CCDC66: variants seen among roughly 807,000 people sequenced by gnomAD.
CCDC66 encodes coiled-coil domain-containing protein 66.
CCDC66 carries 133 observed loss-of-function variants against 128.3 expected under a neutral mutation model. That is an observed-to-expected ratio of 1.04 (90% CI 0.90 to 1.20). The LOEUF (loss-of-function observed/expected upper bound fraction) is 1.20. CCDC66 is among the 50% of genes most tolerant of loss of function. The probability of loss-of-function intolerance (pLI) is 0.00; values close to 1 mark genes in which losing one functional copy is unlikely to be tolerated. For missense variants in CCDC66, 1,126 were observed against 1,075.5 expected (o/e 1.05, Z -0.66); for synonymous variants, 387 against 357.0 (o/e 1.08, Z -0.95).
rs772605017 is a variant in CCDC66 at position 56,564,053 on chromosome 3, C to G, written c.472C>G (p.Gln158Glu). 19 of 1,613,950 alleles carry G rather than the reference C, an allele frequency of 1.2e-5. No homozygotes were observed. In the South Asian group the frequency reaches 2.1e-4, roughly 18 times the overall value. ...SLVCLTQDQLQQILMTVNQGN... is the reference protein window; with the variant it reads ...SLVCLTQDQLEQILMTVNQGN... ...GGTGTGTCTAACACAAGACCAACTACAACAGATTTTGATGACTGTAAACCA... is the reference window on the plus strand; with the variant it reads ...GGTGTGTCTAACACAAGACCAACTAGAACAGATTTTGATGACTGTAAACCA... Residue 158 changes from glutamine (Q) to glutamate (E), a missense_variant, in exon 4 of 18, where the codon CAA becomes GAA. Physicochemically the swap from Gln to Glu is conservative, Grantham distance 29. Coordinates refer to ENST00000394672, the MANE Select transcript of CCDC66 (RefSeq NM_001141947.3).
intron 10 of CCDC66, among the ~76,000 whole-genome samples, chr3:56,599,923 C>T (rs1008965575): frequency 1.6e-4 from 24 of 152,006 alleles, no homozygotes; most frequent in African/African-American, 4.1e-4. Context: ...TGAGTGAGAA[C>T]GTGCAGTGTT....
Position 56,576,846 on chromosome 3 carries a change from G to A in CCDC66, c.936+5544G>A, listed in dbSNP as rs1396735690. On this transcript the variant is annotated intron_variant, in intron 7 of 17. Coordinates refer to ENST00000394672, the MANE Select transcript of CCDC66 (RefSeq NM_001141947.3). ...TGATGGACATTTGGGTTGGTTCCAA[G>A]TCTTTGCTATTGTGAATAGTGCCGC... is the stretch of plus-strand genomic sequence containing the variant. Among the ~76,000 whole-genome samples the A allele has an allele frequency of 1.3e-5, 2 of 151,728 alleles. 1 individual carries two copies. Among genetic ancestry groups the A allele is most frequent in the Admixed American group, 1.3e-4 (2 of 15,088 alleles).
Position 56,593,831 on chromosome 3 carries a change from G to C in CCDC66, c.1319+90G>C. ...TTATGTCTAATTGGTTTCAGGTTTG[G>C]TATTTGTCTTTGAAATAGAAATAAT... On this transcript the variant is annotated intron_variant, in intron 9 of 17. Coordinates refer to ENST00000394672, the MANE Select transcript of CCDC66 (RefSeq NM_001141947.3). The C allele has an allele frequency of 2.5e-6, 4 of 1,582,618 alleles. No homozygotes were observed. In the South Asian group the frequency reaches 4.5e-5, roughly 18 times the overall value.
chr3:56,616,598 A>C (rs2075540600), intron 13 of CCDC66: 1 of 156,786 alleles, frequency 6.4e-6, no homozygotes, highest in Non-Finnish European at 1.4e-5. Flanking sequence ...TTGGCTATGA[A>C]TATGCTGCTG....
At chr3:56,589,694 G>A (rs1025794318) in intron 7 of CCDC66, among the ~76,000 whole-genome samples, 9 of 152,164 alleles carry the variant, frequency 5.9e-5, no homozygotes, top group African/African-American at 1.9e-4. Context: ...CTAATCACAA[G>A]TTCTGTTCTT....
chr3:56,558,330 A>G (rs994122408), intron 1 of CCDC66, among the ~76,000 whole-genome samples: 3 of 152,230 alleles, frequency 2.0e-5, no homozygotes, highest in South Asian at 2.1e-4. Context: ...ATATGCACGT[A>G]TAAAGCACCA....
At chr3:56,621,363 A>G (rs2076589321) in intron 17 of CCDC66, 169 bp from the exon 18 acceptor site, 3 of 439,932 alleles carry the variant, frequency 6.8e-6, no homozygotes, top group Admixed American at 3.9e-5. Flanking sequence ...TGTGATAGCT[A>G]TATATCCAAA....
intron 4 of CCDC66, among the ~76,000 whole-genome samples, chr3:56,564,331 A>C (rs2065504799): frequency 6.6e-6 from 1 of 152,192 alleles, no homozygotes; most frequent in African/African-American, 2.4e-5. Context: ...AGTGTTCAGA[A>C]TATTAAGAAA....
At chr3:56,605,095 C>T (rs139349486) in intron 10 of CCDC66, among the ~76,000 whole-genome samples, 4,134 of 152,066 alleles carry the variant, frequency 0.027, 137 homozygotes, top group African/African-American at 0.065. Flanking sequence ...TCACAAGGTT[C>T]TTGTGCTGTG....
At chr3:56,612,514 T>C (rs1023867534) in intron 10 of CCDC66, among the ~76,000 whole-genome samples, 1 of 152,116 alleles carries the variant, frequency 6.6e-6, no homozygotes, top group African/African-American at 2.4e-5. Flanking sequence ...GATGGCTTGC[T>C]CAGGTGCTGA....
rs750267537 is a variant in CCDC66, at chr3:56,593,505, C to T, written c.1083C>T (p.Asp361=). 2.6e-5 allele frequency: 42 copies of T among 1,613,998 alleles called. No homozygotes were observed. The highest frequency in any genetic ancestry group is 3.5e-5 in the Non-Finnish European group (41 of 1,179,992). The change falls in exon 9 of 18, where the codon GAC becomes GAT. Residue 361 remains aspartate (D), a synonymous_variant. Coordinates refer to ENST00000394672, the MANE Select transcript of CCDC66 (RefSeq NM_001141947.3). ...GTCATCATTAGGGTGAGGAACATGACAGATGGGCAATGCACTTTGATTCAT... is the reference window on the plus strand; with the variant it reads ...GTCATCATTAGGGTGAGGAACATGATAGATGGGCAATGCACTTTGATTCAT... ...KIIYSKGEEH[D]RWAMHFDSLK...
chr3:56,593,170 A>G, intron 8 of CCDC66, 69 bp downstream of exon 8: 3 of 1,263,284 alleles, frequency 2.4e-6, no homozygotes, highest in Non-Finnish European at 3.3e-6. Flanking sequence ...TTAAAACTAG[A>G]AGTATTCTGA....
intron 17 of CCDC66, chr3:56,620,728 G>GGAGA (rs894885032): frequency 2.4e-4 from 37 of 152,250 alleles, no homozygotes; most frequent in African/African-American, 8.7e-4. Flanking sequence ...CTTGCTTAGT[G>GGAGA]GAGACAAAAA....
chr3:56,577,285 T>C (rs901135100), intron 7 of CCDC66, among the ~76,000 whole-genome samples: 6 of 151,922 alleles, frequency 3.9e-5, no homozygotes, highest in African/African-American at 1.4e-4. Context: ...TTTTTTCTTA[T>C]AAATTTGTTT....
In CCDC66 at chr3:56,613,625, A is replaced by G. The variant is rs747073319; in HGVS notation, c.1441A>G (p.Lys481Glu). ...ITAQVEEKRR[K>E]KQLEEEQRKK... is the part of the protein sequence containing the mutation. ...TGCCCAGGTAGAAGAGAAGCGCAGG[A>G]AGAAACAACTGGAGGAAGAGCAAAG... The change falls in exon 11 of 18, where the codon AAG (lysine) becomes GAG (glutamate). Residue 481 changes from lysine (K) to glutamate (E), a missense_variant. Lys to Glu is a moderately conservative substitution (Grantham distance 56). Transcript: ENST00000394672. 7.4e-6 allele frequency: 12 copies of G among 1,614,078 alleles called. No individual in the cohort carries two copies. The highest frequency in any genetic ancestry group is 1.3e-5 in the African/African-American group (1 of 75,054).
At chr3:56,583,003 A>G (rs1411489188) in intron 7 of CCDC66, among the ~76,000 whole-genome samples, 1 of 150,982 alleles carries the variant, frequency 6.6e-6, no homozygotes, top group Non-Finnish European at 1.5e-5. Flanking sequence ...TCAGCCTTAC[A>G]AGTAGCTGGG....
chr3:56,616,029 A>T lies in CCDC66; in HGVS notation c.1819A>T (p.Lys607Ter), dbSNP rs77844183. 6.0e-6 allele frequency: 8 copies of T among 1,324,614 alleles called. No individual in the cohort carries two copies. Among genetic ancestry groups the T allele is most frequent in the East Asian group, 3.6e-5 (1 of 27,920 alleles). 82.1% of individuals were successfully genotyped at this position (1,324,614 alleles called of 1,614,324 possible). Residue 607 changes from lysine (K) to a stop codon, truncating the protein, a stop_gained, in exon 13 of 18, where the codon AAG becomes TAG. Transcript: ENST00000394672. LOFTEE classifies it high-confidence loss of function. ...MNTYMNSTTS[K>*]KDTGVQTDDL... ...TACATATATGAATTCTACGACTTCTAAGAAGGATACTGGTGTGCAAACAGG... is the reference window on the plus strand; with the variant it reads ...TACATATATGAATTCTACGACTTCTTAGAAGGATACTGGTGTGCAAACAGG...
At chr3:56,574,629 T>C (rs1021049583) in intron 7 of CCDC66, among the ~76,000 whole-genome samples, 5 of 151,844 alleles carry the variant, frequency 3.3e-5, no homozygotes, top group African/African-American at 1.2e-4. Context: ...CATGAGGTAA[T>C]GCATATGAAG....
At chr3:56,614,314 A>AT (rs1474760809) in intron 11 of CCDC66, among the ~76,000 whole-genome samples, 3 of 152,150 alleles carry the variant, frequency 2.0e-5, no homozygotes, top group Non-Finnish European at 2.9e-5. Context: ...TATGTGCTTC[A>AT]TTTTTATCTA....
Sources: allele counts gnomAD v4.1 joint callset (sites outside exome capture counted in the v4.1 genomes callset), GRCh38; gene constraint gnomAD v4.1.1; transcripts MANE v1.5; gene names NCBI Gene and HGNC (gene_info 2026-07-23, HGNC 2026-07-21).